The following SLC16A10 variants were observed in gnomAD, a reference collection of about 807,000 sequenced individuals.
SLC16A10 encodes the protein solute carrier family 16 member 10.
Under a neutral mutation model 40.0 loss-of-function variants are expected in SLC16A10, and 27 were observed. That is an observed-to-expected ratio of 0.67 (90% CI 0.50 to 0.93). The LOEUF (loss-of-function observed/expected upper bound fraction) is 0.93, where lower values mean the gene tolerates loss of function less well. SLC16A10 is among the 40% of genes least tolerant of loss of function. The pLI is 0.00. For synonymous variants in SLC16A10, 213 were observed against 249.8 expected (o/e 0.85, Z 1.39); for missense variants, 529 against 658.2 (o/e 0.80, Z 2.15).
chr6:111,093,318 C>G (rs1365386247), intron 1 of SLC16A10, among the ~76,000 whole-genome samples: 3 of 152,186 alleles, frequency 2.0e-5, no homozygotes, highest in African/African-American at 7.2e-5. Flanking sequence ...TTTAACGCAA[C>G]TCTACACTCC....
At chr6:111,152,786 A>C (rs551920018) in intron 1 of SLC16A10, among the ~76,000 whole-genome samples, 1 of 152,234 alleles carries the variant, frequency 6.6e-6, no homozygotes, top group Non-Finnish European at 1.5e-5. Flanking sequence ...AGAGAGGTCA[A>C]CTATTACATA....
chr6:111,159,067 CAAAAAAAAA>C (rs548809670), intron 1 of SLC16A10, among the ~76,000 whole-genome samples: 41 of 23,404 alleles, frequency 1.8e-3, no homozygotes, highest in African/African-American at 5.7e-3. Context: ...GACCCTGACT[CAAAAAAAAA>C]AAAAAAAAAA....
chr6:111,103,500 G>T (rs1263245597), intron 1 of SLC16A10, among the ~76,000 whole-genome samples: 2 of 152,156 alleles, frequency 1.3e-5, no homozygotes, highest in Non-Finnish European at 2.9e-5. Context: ...TTATAGATGT[G>T]AGCCACCATG....
intron 1 of SLC16A10, among the ~76,000 whole-genome samples, chr6:111,168,200 G>A (rs1304903494): frequency 2.6e-5 from 4 of 152,052 alleles, no homozygotes; most frequent in East Asian, 1.9e-4. Flanking sequence ...GGCTGGTCTC[G>A]AACTCCTGAC....
intron 1 of SLC16A10, among the ~76,000 whole-genome samples, chr6:111,168,057 G>A (rs1772510727): frequency 6.6e-6 from 1 of 151,534 alleles, no homozygotes; most frequent in Non-Finnish European, 1.5e-5. Context: ...TCAGCTCACT[G>A]GAAACTCCAC....
At position 111,212,535 on chromosome 6, in the gene SLC16A10, A is replaced by G. The variant is rs144239271; in HGVS notation, c.1086+5800A>G. Reference sequence around the variant, plus strand: ...TGGTTGGTTGCAGTAGCTTATGCCTATAATCCCAGCGCTTTGGGAGGCCAA... The same window carrying G: ...TGGTTGGTTGCAGTAGCTTATGCCTGTAATCCCAGCGCTTTGGGAGGCCAA... On this transcript the variant is annotated intron_variant, in intron 4 of 5. Transcript: ENST00000368851. 7.0e-4 allele frequency among the ~76,000 whole-genome samples: 107 copies of G among 152,212 alleles called. 2 individuals carry two copies. In the East Asian group the frequency reaches 0.02, roughly 28 times the overall value.
At chr6:111,151,644 A>G (rs1483305244) in intron 1 of SLC16A10, among the ~76,000 whole-genome samples, 3 of 152,248 alleles carry the variant, frequency 2.0e-5, no homozygotes, top group Admixed American at 1.3e-4. Flanking sequence ...TTAAAAACCT[A>G]ATGTTGACTC....
At chr6:111,144,988 C>T (rs1490225960) in intron 1 of SLC16A10, among the ~76,000 whole-genome samples, 1 of 152,112 alleles carries the variant, frequency 6.6e-6, no homozygotes, top group Non-Finnish European at 1.5e-5. Context: ...TGCCACCACA[C>T]CCATATAATT....
chr6:111,199,228 G>C (rs1773126265), intron 3 of SLC16A10, among the ~76,000 whole-genome samples: 1 of 152,174 alleles, frequency 6.6e-6, no homozygotes, highest in Non-Finnish European at 1.5e-5. Context: ...GGGAGGCTGA[G>C]GTGGGCAGAT....
Position 111,151,315 on chromosome 6 carries a change from A to G in SLC16A10, c.344-21380A>G, listed in dbSNP as rs535025954. On this transcript the variant is annotated intron_variant, in intron 1 of 5. Transcript: ENST00000368851. ...CTTTCCCCATTCCCCAAACTTGTTC[A>G]TTTTCTTCATTCTTAAACTCTGCAT... Among the ~76,000 whole-genome samples, 3 of 152,184 alleles carry G rather than the reference A, an allele frequency of 2.0e-5. No individual in the cohort carries two copies. The East Asian group carries it at 5.8e-4, about 29-fold the overall frequency.
chr6:111,189,083 C>T (rs1240546063), intron 3 of SLC16A10, among the ~76,000 whole-genome samples: 1 of 152,128 alleles, frequency 6.6e-6, no homozygotes, highest in East Asian at 1.9e-4. Context: ...CATAGACATT[C>T]TAGATGTGGG....
chr6:111,205,320 TG>T (rs1183462027), intron 3 of SLC16A10, among the ~76,000 whole-genome samples: 1 of 152,140 alleles, frequency 6.6e-6, no homozygotes, highest in Non-Finnish European at 1.5e-5. Context: ...TTGTATTTGG[TG>T]GGAAATTTGC....
chr6:111,180,325 C>T (rs1423005275), intron 3 of SLC16A10, among the ~76,000 whole-genome samples: 1 of 152,196 alleles, frequency 6.6e-6, no homozygotes, highest in Non-Finnish European at 1.5e-5. Context: ...GGAAGGATCA[C>T]TTGAGCCCAG....
At chr6:111,184,357 TC>T (rs1180672356) in intron 3 of SLC16A10, among the ~76,000 whole-genome samples, 2 of 152,232 alleles carry the variant, frequency 1.3e-5, no homozygotes, top group African/African-American at 4.8e-5. Context: ...AATTGACTGT[TC>T]TCAAAAGAAA....
chr6:111,118,150 A>T (rs1284390860), intron 1 of SLC16A10, among the ~76,000 whole-genome samples: 1 of 152,240 alleles, frequency 6.6e-6, no homozygotes, highest in African/African-American at 2.4e-5. Context: ...TAAATAACAA[A>T]TATCTATTGC....
chr6:111,104,616 A>G (rs767683212), intron 1 of SLC16A10, among the ~76,000 whole-genome samples: 10 of 152,160 alleles, frequency 6.6e-5, no homozygotes, highest in Non-Finnish European at 1.2e-4. Flanking sequence ...AGACATGTGG[A>G]GCGTTAAGGG....
At chr6:111,138,551 T>G (rs1405988860) in intron 1 of SLC16A10, among the ~76,000 whole-genome samples, 1 of 152,194 alleles carries the variant, frequency 6.6e-6, no homozygotes, top group Non-Finnish European at 1.5e-5. Context: ...ACCAGTGAAA[T>G]GAAGTTAGTC....
intron 1 of SLC16A10, among the ~76,000 whole-genome samples, chr6:111,116,516 G>A (rs1389863990): frequency 6.6e-6 from 1 of 151,664 alleles, no homozygotes; most frequent in East Asian, 1.9e-4. Context: ...CTGCACCTGG[G>A]CAAAAAAAGT....
chr6:111,185,765 AAG>A (rs748550865), intron 3 of SLC16A10, among the ~76,000 whole-genome samples: 1 of 152,352 alleles, frequency 6.6e-6, no homozygotes, highest in East Asian at 1.9e-4. Context: ...AAAATGGAAA[AAG>A]GTAAACTGCT....
Sources: gnomAD v4.1 joint callset for allele counts (sites outside exome capture counted in the v4.1 genomes callset) on GRCh38, gnomAD v4.1.1 for gene constraint, MANE v1.5 for transcripts, NCBI Gene and HGNC (gene_info 2026-07-23, HGNC 2026-07-21) for gene names.